Variants in PDK1 observed in about 807,000 individuals in gnomAD.
PDK1 encodes pyruvate dehydrogenase kinase 1.
In PDK1, 39 loss-of-function variants were observed where a neutral mutation model predicts 54.2. That is an observed-to-expected ratio of 0.72 (90% CI 0.56 to 0.94). The LOEUF (loss-of-function observed/expected upper bound fraction) is 0.94, where lower values mean the gene tolerates loss of function less well. PDK1 is among the 40% of genes least tolerant of loss of function. PDK1 has a pLI of 0.00. For missense variants in PDK1, 552 were observed against 566.0 expected (o/e 0.98, Z 0.25); for synonymous variants, 221 against 207.1 (o/e 1.07, Z -0.58).
chr2:172,565,103 A>C (rs1266501591), intron 5 of PDK1, 30 bp downstream of exon 5: 1 of 1,285,762 alleles, frequency 7.8e-7, no homozygotes, highest in Non-Finnish European at 1.1e-6. Context: ...CTTGCAAAAA[A>C]AGATACAAAA....
chr2:172,582,494 A>T (rs1435106808), intron 8 of PDK1, among the ~76,000 whole-genome samples: 1 of 152,224 alleles, frequency 6.6e-6, no homozygotes, highest in Non-Finnish European at 1.5e-5. Context: ...GCTTTTGTGC[A>T]CTGAAGAGAA....
chr2:172,568,174 A>C (rs1689055107), intron 6 of PDK1, among the ~76,000 whole-genome samples: 1 of 151,934 alleles, frequency 6.6e-6, no homozygotes, highest in Non-Finnish European at 1.5e-5. Flanking sequence ...CTACTAAAAG[A>C]AAAATCAGCC....
chr2:172,711,865 C>CAAAA, the PDK1 span, among the ~76,000 whole-genome samples: 8 of 22,770 alleles, frequency 3.5e-4, no homozygotes, highest in South Asian at 3.0e-3. Context: ...GAACCTAGCT[C>CAAAA]AAAAAAAAAA....
rs1408189295 is a variant in PDK1, at chr2:172,607,255, C to T, written c.*11286C>T. On this transcript the variant is annotated 3_prime_UTR_variant, in exon 11 of 11. Transcript: ENST00000282077. Reference sequence around the variant, plus strand: ...GCAGTGAGCTATGATTGTGCTGCTGCACTCCAGCCTGGGTGACAGAGCGAG... The same window carrying T: ...GCAGTGAGCTATGATTGTGCTGCTGTACTCCAGCCTGGGTGACAGAGCGAG... 3.3e-5 allele frequency: 5 copies of T among 152,212 alleles called. No homozygotes were observed. The highest frequency in any genetic ancestry group is 7.4e-5 in the Non-Finnish European group (5 of 68,020). 9.4% of individuals were successfully genotyped at this position (152,212 alleles called of 1,614,324 possible). A position where few individuals can be genotyped will look rare whatever the true frequency, so the allele number is the denominator to read the frequency against.
At chr2:172,677,632 A>T in the PDK1 span, 1 of 152,224 alleles carries the variant, frequency 6.6e-6, no homozygotes, top group Non-Finnish European at 1.5e-5. Flanking sequence ...TAGGAAAATT[A>T]TTGCCTAGAC....
chr2:172,718,989 C>T, the PDK1 span, among the ~76,000 whole-genome samples: 1,249 of 152,270 alleles, frequency 8.2e-3, 10 homozygotes, highest in African/African-American at 0.028. Context: ...GTCAAAACCT[C>T]TACCCCAGTT....
At chr2:172,615,382 G>A in the PDK1 span, among the ~76,000 whole-genome samples, 3 of 152,198 alleles carry the variant, frequency 2.0e-5, no homozygotes, top group African/African-American at 4.8e-5. Flanking sequence ...CCAGCACTTT[G>A]GGAGGCCGAG....
chr2:172,570,840 G>GGTTT lies in PDK1; in HGVS notation c.945+21_945+24dup. 1 of 1,465,604 alleles carries GGTTT rather than the reference G, an allele frequency of 6.8e-7. No homozygotes were observed. Among genetic ancestry groups the GGTTT allele is most frequent in the South Asian group, 1.2e-5 (1 of 82,796 alleles). 90.8% of individuals were successfully genotyped at this position (1,465,604 alleles called of 1,614,324 possible). On this transcript the variant is annotated intron_variant, in intron 8 of 10. Coordinates refer to ENST00000282077, the MANE Select transcript of PDK1 (RefSeq NM_002610.5). ...GACTGTGAAGGTAAATGTGTTTAAT[G>GGTTT]GTTTGTTTTCTTTTTTTTTTTTTTG...
At chr2:172,620,932 G>A in the PDK1 span, among the ~76,000 whole-genome samples, 307 of 150,220 alleles carry the variant, frequency 2.0e-3, no homozygotes, top group Admixed American at 8.5e-3. Flanking sequence ...TTATGGTAAT[G>A]CAAGAATGGC....
the PDK1 span, among the ~76,000 whole-genome samples, chr2:172,631,983 C>A: frequency 6.6e-6 from 1 of 152,112 alleles, no homozygotes; most frequent in South Asian, 2.1e-4. Flanking sequence ...CTCTTAAAAA[C>A]CTTCCCTTGA....
chr2:172,688,922 C>T, the PDK1 span, among the ~76,000 whole-genome samples: 6 of 152,292 alleles, frequency 3.9e-5, no homozygotes, highest in South Asian at 8.3e-4. Flanking sequence ...ACTTCAAGAA[C>T]GAAGCCACAG....
At chr2:172,563,478 C>G (rs1688763850) in intron 3 of PDK1, among the ~76,000 whole-genome samples, 1 of 152,166 alleles carries the variant, frequency 6.6e-6, no homozygotes, top group African/African-American at 2.4e-5. Context: ...TAGGAAAGCA[C>G]TCATTTGGAA....
chr2:172,675,914 CTT>C, the PDK1 span, among the ~76,000 whole-genome samples: 1 of 152,146 alleles, frequency 6.6e-6, no homozygotes, highest in Admixed American at 6.5e-5. Flanking sequence ...CAGCTGGTGA[CTT>C]TAAGTTGAAG....
At chr2:172,705,100 G>C in the PDK1 span, among the ~76,000 whole-genome samples, 1 of 152,170 alleles carries the variant, frequency 6.6e-6, no homozygotes, top group Non-Finnish European at 1.5e-5. Flanking sequence ...CTCATATACT[G>C]TTGTGAGTTA....
At chr2:172,694,169 A>G in the PDK1 span, among the ~76,000 whole-genome samples, 1 of 152,230 alleles carries the variant, frequency 6.6e-6, no homozygotes, top group Non-Finnish European at 1.5e-5. Flanking sequence ...CCCAGTCTCC[A>G]GAGTAAAGAC....
At chr2:172,576,241 T>C (rs1442358946) in intron 8 of PDK1, among the ~76,000 whole-genome samples, 1 of 152,212 alleles carries the variant, frequency 6.6e-6, no homozygotes, top group Non-Finnish European at 1.5e-5. Flanking sequence ...TTTGTGTTTT[T>C]ATAGGAATTT....
At chr2:172,680,335 C>CCTTT in the PDK1 span, among the ~76,000 whole-genome samples, 12 of 151,914 alleles carry the variant, frequency 7.9e-5, no homozygotes, top group Admixed American at 2.6e-4. Context: ...ATTGTACTAT[C>CCTTT]CTTTCTTTCT....
At chr2:172,720,206 C>A in the PDK1 span, among the ~76,000 whole-genome samples, 13 of 151,160 alleles carry the variant, frequency 8.6e-5, no homozygotes, top group Non-Finnish European at 1.6e-4. Flanking sequence ...CCTCTGCCTC[C>A]TGGATTCAAG....
the PDK1 span, among the ~76,000 whole-genome samples, chr2:172,614,367 T>C: frequency 1.3e-5 from 2 of 152,192 alleles, no homozygotes; most frequent in Non-Finnish European, 2.9e-5. Flanking sequence ...TGCTCATGGC[T>C]GCCTATGGAC....
Sources: gnomAD v4.1 joint callset for allele counts (sites outside exome capture counted in the v4.1 genomes callset) on GRCh38, gnomAD v4.1.1 for gene constraint, MANE v1.5 for transcripts, NCBI Gene and HGNC (gene_info 2026-07-23, HGNC 2026-07-21) for gene names.